The following ATP2C2 variants were observed in gnomAD, a reference collection of about 807,000 sequenced individuals.
ATP2C2 encodes the protein ATPase secretory pathway Ca2+ transporting 2.
Under a neutral mutation model 110.8 loss-of-function variants are expected in ATP2C2, and 171 were observed. The observed-to-expected ratio is 1.54, with a 90% CI of 1.36 to 1.75. The LOEUF is 1.75. Among genes scored for constraint, ATP2C2 ranks in the 40% most tolerant of loss-of-function variants. The pLI is 0.00. For missense variants in ATP2C2, 1,963 were observed against 1,235.0 expected (o/e 1.59, Z -8.84); for synonymous variants, 804 against 508.4 (o/e 1.58, Z -7.82).
intron 23 of ATP2C2, 37 bp from the exon 24 acceptor site, chr16:84,460,617 G>C: frequency 6.2e-7 from 1 of 1,613,990 alleles, no homozygotes. Context: ...TTTCATTCCT[G>C]GTTCATTTCA....
rs550638807 is a variant in ATP2C2 at position 84,429,400 on chromosome 16, G to A, written c.986+3599G>A. On this transcript the variant is annotated intron_variant, in intron 11 of 26. Transcript: ENST00000262429. ...ACTCCTGACCTCAGGTGATCCACCT[G>A]CCTCAGCCTCCCAAAGTGCTGGGAT... Among the ~76,000 whole-genome samples the A allele has an allele frequency of 6.6e-5, 10 of 152,290 alleles. No individual in the cohort carries two copies. The South Asian group carries it at 1.9e-3, about 28-fold the overall frequency.
chr16:84,390,570 C>T (rs1318707599), intron 1 of ATP2C2, among the ~76,000 whole-genome samples: 1 of 152,106 alleles, frequency 6.6e-6, no homozygotes, highest in East Asian at 1.9e-4. Context: ...GTGAAGTAGG[C>T]GGGACCGTGA....
chr16:84,405,092 C>A (rs766603519), intron 2 of ATP2C2, 36 bp from the exon 3 acceptor site: 1 of 1,561,558 alleles, frequency 6.4e-7, no homozygotes, highest in Admixed American at 1.7e-5. Context: ...CCTTGCTGCG[C>A]CCATGAGTGA....
At chr16:84,460,444 A>C in intron 23 of ATP2C2, 1 of 670,828 alleles carries the variant, frequency 1.5e-6, no homozygotes, top group Non-Finnish European at 2.6e-6. Context: ...TCTGCGGGAC[A>C]GATGGAGGGG....
intron 17 of ATP2C2, among the ~76,000 whole-genome samples, chr16:84,449,043 T>G (rs1910017465): frequency 6.6e-6 from 1 of 152,246 alleles, no homozygotes; most frequent in Non-Finnish European, 1.5e-5. Context: ...TCAAGGAACA[T>G]ATTTTTTCCC....
chr16:84,428,581 A>T (rs898299779), intron 11 of ATP2C2, among the ~76,000 whole-genome samples: 1 of 152,240 alleles, frequency 6.6e-6, no homozygotes, highest in Non-Finnish European at 1.5e-5. Flanking sequence ...CTGGAATATT[A>T]TGTGATGATG....
chr16:84,393,661 A>G (rs1904795597), intron 1 of ATP2C2, among the ~76,000 whole-genome samples: 1 of 151,114 alleles, frequency 6.6e-6, no homozygotes, highest in Non-Finnish European at 1.5e-5. Context: ...GTGGAAACCC[A>G]TGCTGAGATG....
intron 6 of ATP2C2, among the ~76,000 whole-genome samples, chr16:84,414,483 C>T (rs967851484): frequency 6.6e-6 from 1 of 152,182 alleles, no homozygotes; most frequent in African/African-American, 2.4e-5. Context: ...TGTGCGTGCA[C>T]GCGCGTGTAC....
At chr16:84,449,322 A>T (rs944220979) in intron 17 of ATP2C2, among the ~76,000 whole-genome samples, 2 of 152,034 alleles carry the variant, frequency 1.3e-5, no homozygotes, top group Non-Finnish European at 2.9e-5. Flanking sequence ...ACGGGGCGAG[A>T]CCCTTGCGGC....
chr16:84,425,952 G>A (rs529095879), intron 11 of ATP2C2, 151 bp downstream of exon 11: 38 of 823,470 alleles, frequency 4.6e-5, no homozygotes, highest in African/African-American at 1.5e-4. Flanking sequence ...CCAATAGCAT[G>A]TTCTCCGACA....
At chr16:84,398,301 G>A (rs2151416632) in intron 1 of ATP2C2, among the ~76,000 whole-genome samples, 198 bp from the exon 2 acceptor site, 1 of 152,194 alleles carries the variant, frequency 6.6e-6, no homozygotes, top group Middle Eastern at 3.4e-3. Context: ...AGCTACTCGG[G>A]AGGCTGAGAC....
intron 20 of ATP2C2, 110 bp from the exon 21 acceptor site, chr16:84,454,708 C>T: frequency 4.2e-6 from 5 of 1,182,668 alleles, no homozygotes; most frequent in Non-Finnish European, 5.7e-6. Flanking sequence ...GATTCGAATT[C>T]CGGGTGCCCT....
At chr16:84,384,913 G>A (rs1041342576) in intron 1 of ATP2C2, among the ~76,000 whole-genome samples, 1 of 152,194 alleles carries the variant, frequency 6.6e-6, no homozygotes, top group Non-Finnish European at 1.5e-5. Flanking sequence ...GCCGGGCTTG[G>A]TGATGCATGC....
chr16:84,422,605 T>A (rs779451696), intron 8 of ATP2C2, 24 bp from the exon 9 acceptor site: 5 of 1,611,112 alleles, frequency 3.1e-6, no homozygotes, highest in Non-Finnish European at 4.2e-6. Flanking sequence ...TTAGATTTCA[T>A]ACTTCTCTCT....
chr16:84,444,241 G>C (rs945174186), intron 15 of ATP2C2, among the ~76,000 whole-genome samples: 30 of 151,004 alleles, frequency 2.0e-4, no homozygotes, highest in African/African-American at 7.3e-4. Context: ...GGGAGACCGA[G>C]GCAGGTGGAT....
chr16:84,392,375 C>T (rs1904712223), intron 1 of ATP2C2, among the ~76,000 whole-genome samples: 1 of 152,170 alleles, frequency 6.6e-6, no homozygotes, highest in Non-Finnish European at 1.5e-5. Flanking sequence ...CTGCTTCACG[C>T]TGGTTTATTC....
At chr16:84,381,328 G>A (rs56378240) in intron 1 of ATP2C2, among the ~76,000 whole-genome samples, 10,713 of 152,096 alleles carry the variant, frequency 0.07, 482 homozygotes, top group Middle Eastern at 0.11. Flanking sequence ...GTTACTTCAG[G>A]CCATCTGGAT....
At chr16:84,458,897 C>T (rs548545020) in intron 21 of ATP2C2, among the ~76,000 whole-genome samples, 17 of 152,286 alleles carry the variant, frequency 1.1e-4, no homozygotes, top group South Asian at 2.1e-4. Context: ...CACAGAAGGG[C>T]GAACATGGCT....
intron 20 of ATP2C2, among the ~76,000 whole-genome samples, chr16:84,453,897 G>A (rs1910552156): frequency 6.6e-6 from 1 of 152,132 alleles, no homozygotes; most frequent in Non-Finnish European, 1.5e-5. Context: ...CTGCAGTGCA[G>A]TGGCACAATC....
Sources: allele counts gnomAD v4.1 joint callset (sites outside exome capture counted in the v4.1 genomes callset), GRCh38; gene constraint gnomAD v4.1.1; transcripts MANE v1.5; gene names NCBI Gene and HGNC (gene_info 2026-07-23, HGNC 2026-07-21).